ABCA13: variants seen among roughly 807,000 people sequenced by gnomAD.
ABCA13 encodes the protein ATP binding cassette subfamily A member 13.
Under a neutral mutation model 478.7 loss-of-function variants are expected in ABCA13, and 476 were observed. That is an observed-to-expected ratio of 0.99 (90% CI 0.92 to 1.07). The LOEUF (loss-of-function observed/expected upper bound fraction) is 1.07. Among genes scored for constraint, ABCA13 ranks in the 50% least tolerant of loss-of-function variants. The probability of loss-of-function intolerance (pLI) is 0.00; values close to 1 mark genes in which losing one functional copy is unlikely to be tolerated. For synonymous variants in ABCA13, 2,252 were observed against 2,158.9 expected, an observed-to-expected ratio of 1.04 and a Z score of -1.20; for missense variants, 6,060 against 5,910.6, an observed-to-expected ratio of 1.03 and a Z score of -0.83.
chr7:48,227,399 A>G lies in ABCA13; in HGVS notation c.606A>G (p.Ala202=). Residue 202 remains alanine (A), a synonymous_variant, in exon 6 of 62, where the codon GCA becomes GCG. Coordinates refer to ENST00000435803, the MANE Select transcript of ABCA13 (RefSeq NM_152701.5). ...HDHVEDGMDV[A]VNLLQTILNS... ...ATGTGGAAGATGGCATGGATGTTGC[A>G]GTGAACCTTCTCCAGACCATTTTGA... 6.2e-7 allele frequency: 1 copy of G among 1,614,026 alleles called. No homozygotes were observed. Among genetic ancestry groups the G allele is most frequent in the Non-Finnish European group, 8.5e-7 (1 of 1,179,890 alleles).
chr7:48,179,406 G>A (rs1047972825), intron 1 of ABCA13, among the ~76,000 whole-genome samples: 1 of 152,122 alleles, frequency 6.6e-6, no homozygotes, highest in Non-Finnish European at 1.5e-5. Context: ...CTTCATTCCT[G>A]TCGGGGATGT....
At chr7:48,484,111 G>A (rs1829055942) in intron 47 of ABCA13, among the ~76,000 whole-genome samples, 1 of 152,140 alleles carries the variant, frequency 6.6e-6, no homozygotes, top group East Asian at 1.9e-4. Context: ...GAGCTTATTG[G>A]GATAAAGACA....
chr7:48,216,439 A>G (rs1786489663), intron 3 of ABCA13, among the ~76,000 whole-genome samples: 2 of 152,008 alleles, frequency 1.3e-5, no homozygotes. Context: ...AAATTGGATT[A>G]TTTGTCTTTT....
chr7:48,324,138 G>A lies in ABCA13; in HGVS notation c.9999+6842G>A, dbSNP rs563335449. On this transcript the variant is annotated intron_variant, in intron 27 of 61. Coordinates refer to ENST00000435803, the MANE Select transcript of ABCA13 (RefSeq NM_152701.5). ...CTGCCATAACACAGTACCACAGATT[G>A]AGTGGCTTAAACAACAGAAATTTAT... is the stretch of plus-strand genomic sequence containing the variant. 6.6e-5 allele frequency among the ~76,000 whole-genome samples: 10 copies of A among 152,250 alleles called. No individual in the cohort carries two copies. The South Asian group carries it at 1.9e-3, about 28-fold the overall frequency.
At chr7:48,509,308 A>T (rs1195531940) in intron 50 of ABCA13, among the ~76,000 whole-genome samples, 1 of 152,100 alleles carries the variant, frequency 6.6e-6, no homozygotes, top group East Asian at 1.9e-4. Context: ...CTCCTGGTCC[A>T]GTTTTGTTCC....
intron 19 of ABCA13, among the ~76,000 whole-genome samples, chr7:48,283,205 T>A (rs1303279567): frequency 1.3e-5 from 2 of 152,066 alleles, no homozygotes; most frequent in East Asian, 3.9e-4. Context: ...GGCCCCAGGA[T>A]GGCTAATTGG....
chr7:48,526,466 A>C (rs1435999841), intron 54 of ABCA13, among the ~76,000 whole-genome samples: 1 of 152,210 alleles, frequency 6.6e-6, no homozygotes, highest in Admixed American at 6.5e-5. Flanking sequence ...AGTGCTATGC[A>C]AAAGTCTGTG....
chr7:48,505,983 G>T (rs1293565122), intron 48 of ABCA13, among the ~76,000 whole-genome samples: 1 of 152,114 alleles, frequency 6.6e-6, no homozygotes, highest in African/African-American at 2.4e-5. Flanking sequence ...AGTCTTCTTT[G>T]CATATTGTTA....
At chr7:48,458,703 T>G (rs572490692) in intron 43 of ABCA13, among the ~76,000 whole-genome samples, 1 of 152,272 alleles carries the variant, frequency 6.6e-6, no homozygotes, top group Non-Finnish European at 1.5e-5. Context: ...GAGGTTCTTT[T>G]CTACCTGAAT....
At chr7:48,392,394 A>G (rs1585129259) in intron 38 of ABCA13, among the ~76,000 whole-genome samples, 2 of 152,344 alleles carry the variant, frequency 1.3e-5, no homozygotes, top group Middle Eastern at 3.4e-3. Flanking sequence ...ATGTAAGCAC[A>G]GAGGCTGTTG....
At chr7:48,408,186 G>A (rs1373009975) in intron 39 of ABCA13, among the ~76,000 whole-genome samples, 1 of 152,124 alleles carries the variant, frequency 6.6e-6, no homozygotes, top group African/African-American at 2.4e-5. Context: ...TGTTCATCTT[G>A]TGTCACTGAA....
rs754942491 is a variant in ABCA13, at chr7:48,275,373, C to G, written c.5707C>G (p.Leu1903Val). Reference sequence around the variant, plus strand: ...GGACTGGAATTCTATTCTTCTGGAGCTCTCTGAAGTCTTCCATGTTAACAT... The same window carrying G: ...GGACTGGAATTCTATTCTTCTGGAGGTCTCTGAAGTCTTCCATGTTAACAT... The part of the protein sequence containing the change: ...LVDWNSILLE[L>V]SEVFHVNISL... Residue 1903 changes from leucine to valine, a missense_variant, in exon 17 of 62, where the codon CTC becomes GTC. Coordinates refer to ENST00000435803, the MANE Select transcript of ABCA13 (RefSeq NM_152701.5). The G allele has an allele frequency of 2.5e-6, 4 of 1,613,912 alleles. No homozygotes were observed. In the Admixed American group the frequency reaches 6.7e-5, roughly 27 times the overall value.
At chr7:48,310,235 G>A (rs954159818) in intron 24 of ABCA13, 94 bp downstream of exon 24, 5 of 1,377,230 alleles carry the variant, frequency 3.6e-6, no homozygotes, top group Admixed American at 4.3e-5. Flanking sequence ...GCGGCAGTGG[G>A]AGATCAGCAC....
intron 34 of ABCA13, among the ~76,000 whole-genome samples, chr7:48,375,318 T>C (rs1440946576): frequency 1.3e-5 from 2 of 152,162 alleles, no homozygotes; most frequent in Admixed American, 6.5e-5. Context: ...TCTTCCTGGA[T>C]CCTCTACCCA....
rs569594391 is a variant in ABCA13 at position 48,274,842 on chromosome 7, A to G, written c.5176A>G (p.Asn1726Asp). 1 of 1,613,850 alleles carries G rather than the reference A, an allele frequency of 6.2e-7. No individual in the cohort carries two copies. Among genetic ancestry groups the G allele is most frequent in the Admixed American group, 1.7e-5 (1 of 59,992 alleles). ...FADSSHSWNV[N>D]HLLQLSRLFP... ...AGACAGCTCACATTCTTGGAATGTT[A>G]ATCATCTGCTGCAGCTCTCACGCCT... Residue 1726 changes from asparagine (N) to aspartate (D), a missense_variant, in exon 17 of 62, where the codon AAT becomes GAT. By Grantham distance (23) the Asn-to-Asp change is conservative. Coordinates refer to ENST00000435803, the MANE Select transcript of ABCA13 (RefSeq NM_152701.5).
At chr7:48,421,756 T>C (rs1467199367) in intron 41 of ABCA13, among the ~76,000 whole-genome samples, 3 of 152,186 alleles carry the variant, frequency 2.0e-5, no homozygotes, top group Non-Finnish European at 2.9e-5. Flanking sequence ...TTTTTGCTTC[T>C]CTTTCTGCCT....
At chr7:48,359,134 T>C (rs1268190650) in intron 31 of ABCA13, among the ~76,000 whole-genome samples, 1 of 151,886 alleles carries the variant, frequency 6.6e-6, no homozygotes, top group Admixed American at 6.5e-5. Flanking sequence ...TGGCTTGTAG[T>C]GCGCAGTGAA....
intron 3 of ABCA13, among the ~76,000 whole-genome samples, chr7:48,202,862 G>A (rs1299369363): frequency 6.6e-6 from 1 of 152,264 alleles, no homozygotes; most frequent in Non-Finnish European, 1.5e-5. Flanking sequence ...AGTGGATCCC[G>A]CACCAGGGCT....
intron 48 of ABCA13, among the ~76,000 whole-genome samples, chr7:48,505,345 T>C (rs1831107545): frequency 6.6e-6 from 1 of 152,180 alleles, no homozygotes; most frequent in South Asian, 2.1e-4. Context: ...TGTACCTTTT[T>C]TGTAGGCTTA....
Sources: gnomAD v4.1 joint callset for allele counts (sites outside exome capture counted in the v4.1 genomes callset) on GRCh38, gnomAD v4.1.1 for gene constraint, MANE v1.5 for transcripts, NCBI Gene and HGNC (gene_info 2026-07-23, HGNC 2026-07-21) for gene names.